The following XG variants were observed in gnomAD, a reference collection of about 807,000 sequenced individuals.
The protein encoded by XG is Xg glycoprotein (Xg blood group).
A neutral mutation model predicts 25.7 loss-of-function variants in XG; 24 were observed. The observed-to-expected ratio is 0.93, with a 90% CI of 0.68 to 1.31. The LOEUF (loss-of-function observed/expected upper bound fraction) is 1.31, where lower values mean the gene tolerates loss of function less well. Among genes scored for constraint, XG ranks in the 40% most tolerant of loss-of-function variants. The probability of loss-of-function intolerance (pLI) is 0.00; values close to 1 mark genes in which losing one functional copy is unlikely to be tolerated. For synonymous variants in XG, 77 were observed against 69.2 expected, an observed-to-expected ratio of 1.11 and a Z score of -0.56; for missense variants, 181 against 187.6, an observed-to-expected ratio of 0.96 and a Z score of 0.21.
intron 3 of XG, among the ~76,000 whole-genome samples, chrX:2,778,507 A>C (rs1217149435): frequency 5.6e-4 from 85 of 152,176 alleles, no homozygotes; most frequent in Non-Finnish European, 2.2e-4. Context: ...ACGCCACTGC[A>C]CTCCAGCCTG....
intron 1 of XG, among the ~76,000 whole-genome samples, chrX:2,752,679 C>T (rs920183192): frequency 1.3e-5 from 2 of 152,162 alleles, no homozygotes; most frequent in South Asian, 2.1e-4. Flanking sequence ...GAATGTCAGT[C>T]ATTTCTTTCT....
At chrX:2,813,032 G>A (rs760848218) in intron 10 of XG, among the ~76,000 whole-genome samples, 2 of 112,371 alleles carry the variant, frequency 1.8e-5, no homozygotes, top group South Asian at 3.7e-4. Flanking sequence ...TGAAATAGGT[G>A]TAGTTTTAAA....
Position 2,782,056 on chromosome X carries a change from T to C in XG, c.128-10T>C. 3.3e-6 allele frequency: 4 copies of C among 1,210,146 alleles called. No homozygotes were observed. In the African/African-American group the frequency reaches 5.2e-5, roughly 16 times the overall value. ...TCTTTTCTAACAGTGCAATGTTGTT[T>C]CCTCCACAGATATCTACCCAAAGCC... On this transcript the variant is annotated splice_polypyrimidine_tract_variant and intron_variant, in intron 3 of 10. Transcript: ENST00000644266.
chrX:2,760,262 T>G (rs1340566118), intron 1 of XG, among the ~76,000 whole-genome samples: 4 of 152,078 alleles, frequency 2.6e-5, no homozygotes, highest in African/African-American at 9.7e-5. Context: ...TCTCTCTAGA[T>G]TCCCAAACCC....
intron 1 of XG, among the ~76,000 whole-genome samples, chrX:2,757,573 C>G (rs766516070): frequency 6.6e-6 from 1 of 152,142 alleles, no homozygotes; most frequent in Non-Finnish European, 1.5e-5. Context: ...TTTCTGAGTA[C>G]TTCCTGTTGA....
chrX:2,811,965 C>A (rs2087061659), intron 10 of XG, among the ~76,000 whole-genome samples: 1 of 111,178 alleles, frequency 9.0e-6, no homozygotes, highest in African/African-American at 3.3e-5. Flanking sequence ...GAGGCTGGCA[C>A]ATTATCTGTC....
At chrX:2,773,579 GAGA>G (rs2050891125) in intron 2 of XG, among the ~76,000 whole-genome samples, 2 of 86,780 alleles carry the variant, frequency 2.3e-5, no homozygotes, top group African/African-American at 9.0e-5. Context: ...AGGAAGGAAG[GAGA>G]GAAGGAAGGA....
chrX:2,814,142 C>A (rs972475425), intron 10 of XG, among the ~76,000 whole-genome samples: 5 of 110,981 alleles, frequency 4.5e-5, no homozygotes, highest in African/African-American at 1.6e-4. Flanking sequence ...ATTTTTCATT[C>A]TTCTAGCTTT....
intron 6 of XG, among the ~76,000 whole-genome samples, chrX:2,796,208 T>G (rs2086884540): frequency 9.8e-6 from 1 of 101,985 alleles, no homozygotes; most frequent in East Asian, 2.8e-4. Context: ...TGTATAAATA[T>G]CTTCATAAAT....
intron 7 of XG, among the ~76,000 whole-genome samples, chrX:2,803,137 T>A (rs2086960571): frequency 9.0e-6 from 1 of 111,056 alleles, no homozygotes; most frequent in Non-Finnish European, 1.9e-5. Context: ...CCACTGGGAG[T>A]AGTTTTTTAT....
intron 3 of XG, chrX:2,775,105 C>A (rs2050948042): frequency 7.6e-6 from 2 of 262,202 alleles, no homozygotes; most frequent in Admixed American, 4.7e-5. Context: ...ACTCTATGAA[C>A]CAGCAATTCC....
chrX:2,781,372 G>A (rs2051116624), intron 3 of XG, among the ~76,000 whole-genome samples: 1 of 151,420 alleles, frequency 6.6e-6, no homozygotes, highest in African/African-American at 2.4e-5. Flanking sequence ...GAGACAACAT[G>A]AGGGTAATCA....
chrX:2,764,135 T>G (rs311129), intron 1 of XG, among the ~76,000 whole-genome samples: 146,545 of 152,286 alleles, frequency 0.96, 70,559 homozygotes, highest in East Asian at 1. Context: ...GGTCCTCACT[T>G]GTGTCTTCCC....
chrX:2,766,790 C>A (rs977424697), intron 1 of XG, among the ~76,000 whole-genome samples: 135 of 151,860 alleles, frequency 8.9e-4, no homozygotes, highest in Non-Finnish European at 1.5e-3. Flanking sequence ...TGGTCTCGAT[C>A]TCCTGACCTC....
chrX:2,760,788 T>A (rs2050548603), intron 1 of XG, among the ~76,000 whole-genome samples: 1 of 148,400 alleles, frequency 6.7e-6, no homozygotes, highest in South Asian at 2.1e-4. Context: ...GGTCACTAGG[T>A]TGGGCCCTGA....
chrX:2,777,022 A>G (rs2051013961), intron 3 of XG, among the ~76,000 whole-genome samples: 1 of 152,234 alleles, frequency 6.6e-6, no homozygotes, highest in South Asian at 2.1e-4. Flanking sequence ...TGATAGCATA[A>G]AGATTTCCAA....
At chrX:2,781,286 C>A (rs1295187140) in intron 3 of XG, among the ~76,000 whole-genome samples, 1 of 151,400 alleles carries the variant, frequency 6.6e-6, no homozygotes. Context: ...TGGGGGTCTG[C>A]AGAAACTCCC....
chrX:2,811,520 G>A (rs1428672736), intron 10 of XG, 68 bp downstream of exon 10: 1 of 803,916 alleles, frequency 1.2e-6, no homozygotes, highest in Non-Finnish European at 1.8e-6. Flanking sequence ...ATTACTTTCA[G>A]ATGTCTGTCA....
chrX:2,772,307 A>G (rs1448673131), intron 2 of XG, among the ~76,000 whole-genome samples: 1 of 152,196 alleles, frequency 6.6e-6, no homozygotes, highest in African/African-American at 2.4e-5. Flanking sequence ...CCAAAGGTGG[A>G]AACAACCCAA....
Sources: gnomAD v4.1 joint callset for allele counts (sites outside exome capture counted in the v4.1 genomes callset) on GRCh38, gnomAD v4.1.1 for gene constraint, MANE v1.5 for transcripts, NCBI Gene and HGNC (gene_info 2026-07-23, HGNC 2026-07-21) for gene names.